Variants in SNX11 observed in about 807,000 individuals in gnomAD.
SNX11 encodes the protein sorting nexin-11.
A neutral mutation model predicts 30.7 loss-of-function variants in SNX11; 19 were observed. The ratio of observed to expected loss-of-function variants is 0.62; its 90% confidence interval spans 0.43 to 0.91. The LOEUF (loss-of-function observed/expected upper bound fraction) is 0.91. Ranked by LOEUF, SNX11 falls within the 40% of genes least tolerant of loss-of-function variation. SNX11 has a pLI of 0.00. For missense variants in SNX11, 302 were observed against 326.7 expected (o/e 0.92, Z 0.58); for synonymous variants, 112 against 119.0 (o/e 0.94, Z 0.38).
At chr17:48,117,033 T>C (rs2063552297) in intron 4 of SNX11, among the ~76,000 whole-genome samples, 1 of 151,316 alleles carries the variant, frequency 6.6e-6, no homozygotes, top group South Asian at 2.1e-4. Context: ...CACCATGCCC[T>C]ACTAATTTTC....
chr17:48,118,477 G>A (rs1181650968), intron 4 of SNX11, among the ~76,000 whole-genome samples: 1 of 151,804 alleles, frequency 6.6e-6, no homozygotes, highest in African/African-American at 2.4e-5. Context: ...TACTCGGGAG[G>A]CTGAGGCAGA....
intron 6 of SNX11, among the ~76,000 whole-genome samples, chr17:48,120,832 A>G (rs2063592596): frequency 6.6e-6 from 1 of 150,604 alleles, no homozygotes; most frequent in Admixed American, 6.6e-5. Flanking sequence ...TTTTAAATTG[A>G]GATAGGGTTT....
chr17:48,108,615 G>T (rs190010425), intron 1 of SNX11, among the ~76,000 whole-genome samples: 1 of 152,216 alleles, frequency 6.6e-6, no homozygotes, highest in Admixed American at 6.5e-5. Context: ...AAACAATCGG[G>T]TACTCACCAG....
In SNX11 at chr17:48,112,625, T is replaced by C. The variant is rs779050065; in HGVS notation, c.94T>C (p.Trp32Arg). ...CCCCCGAGTGCAGAATGAGGGCTCCTGGAACTCTTATGTGGATTATAAGAT... is the reference window on the plus strand; with the variant it reads ...CCCCCGAGTGCAGAATGAGGGCTCCCGGAACTCTTATGTGGATTATAAGAT... ...QDPRVQNEGSWNSYVDYKIFL... is the reference protein window; with the variant it reads ...QDPRVQNEGSRNSYVDYKIFL... Residue 32 changes from tryptophan to arginine, a missense_variant, in exon 3 of 7, where the codon TGG (tryptophan) becomes CGG (arginine). Physicochemically the swap from Trp to Arg is moderately radical, Grantham distance 101. Coordinates refer to ENST00000359238, the MANE Select transcript of SNX11 (RefSeq NM_013323.3). 4.3e-6 allele frequency: 7 copies of C among 1,613,644 alleles called. No individual in the cohort carries two copies. The South Asian group carries it at 7.7e-5, about 18-fold the overall frequency.
intron 1 of SNX11, 104 bp from the exon 2 acceptor site, chr17:48,111,927 T>C: frequency 1.2e-6 from 1 of 853,148 alleles, no homozygotes. Flanking sequence ...TTGCCTGGGT[T>C]TCCCCACGGG....
chr17:48,115,965 G>A lies in SNX11; in HGVS notation c.230+2564G>A, dbSNP rs78780012. On this transcript the variant is annotated intron_variant, in intron 4 of 6. Transcript: ENST00000359238. ...TTTCTTTTTTTTTTTTTTTGAGACA[G>A]AGCTTAGCTAAGTGAGCCTCTGCCG... Among the ~76,000 whole-genome samples the A allele has an allele frequency of 6.8e-4, 95 of 139,420 alleles. No homozygotes were observed. In the East Asian group the frequency reaches 0.017, roughly 25 times the overall value. The allele number at this position is 139,420 out of a possible 152,430, so 91.5% of individuals were successfully genotyped here.
At chr17:48,108,990 T>TG (rs1229211739) in intron 1 of SNX11, among the ~76,000 whole-genome samples, 3 of 152,238 alleles carry the variant, frequency 2.0e-5, no homozygotes, top group African/African-American at 7.2e-5. Context: ...TGGAGTGCAG[T>TG]GGTGTGATCT....
intron 1 of SNX11, among the ~76,000 whole-genome samples, chr17:48,111,410 G>A (rs144436116): frequency 1.4e-3 from 211 of 152,298 alleles, no homozygotes; most frequent in African/African-American, 4.7e-3. Flanking sequence ...CACTTTGGGA[G>A]GCCGAGGAGG....
rs1478639165 is a variant in SNX11, at chr17:48,122,808, G to T, written c.*1300G>T. 1 of 152,212 alleles carries T rather than the reference G, an allele frequency of 6.6e-6. No homozygotes were observed. The highest frequency in any genetic ancestry group is 1.5e-5 in the Non-Finnish European group (1 of 68,034). 9.4% of individuals were successfully genotyped at this position (152,212 alleles called of 1,614,324 possible). Reference sequence around the variant, plus strand: ...GAGAAGGAGGGAGTGAGCGCTGGCAGTATTTCCTTTCATAAATCATGAATT... The same window carrying T: ...GAGAAGGAGGGAGTGAGCGCTGGCATTATTTCCTTTCATAAATCATGAATT... On this transcript the variant is annotated 3_prime_UTR_variant, in exon 7 of 7. Transcript: ENST00000359238.
At chr17:48,111,554 G>A (rs947919114) in intron 1 of SNX11, among the ~76,000 whole-genome samples, 1 of 151,838 alleles carries the variant, frequency 6.6e-6, no homozygotes, top group African/African-American at 2.4e-5. Flanking sequence ...GACTGAGGCA[G>A]GAGAATTGCT....
intron 2 of SNX11, 64 bp downstream of exon 2, chr17:48,112,149 G>C (rs922509774): frequency 1.4e-6 from 2 of 1,397,258 alleles, no homozygotes; most frequent in Non-Finnish European, 2.0e-6. Context: ...GGAGGAAAGA[G>C]GACATAGAGA....
Position 48,118,746 on chromosome 17 carries a change from C to T in SNX11, c.273C>T (p.Thr91=). ...CTGGGAAGTCAACCTTCTTCGGCAC[C>T]TCAGATGAGTTCATTGAGAAGCGAC... ...ELPGKSTFFG[T]SDEFIEKRRQ... The change falls in exon 5 of 7, where the codon ACC becomes ACT. Residue 91 remains threonine, a synonymous_variant. Coordinates refer to ENST00000359238, the MANE Select transcript of SNX11 (RefSeq NM_013323.3). 1.2e-6 allele frequency: 2 copies of T among 1,614,124 alleles called. No homozygotes were observed. The highest frequency in any genetic ancestry group is 1.1e-5 in the South Asian group (1 of 91,086).
At chr17:48,115,054 C>T (rs1016234956) in intron 4 of SNX11, among the ~76,000 whole-genome samples, 2 of 147,514 alleles carry the variant, frequency 1.4e-5, no homozygotes, top group Admixed American at 6.8e-5. Context: ...CACCATGCTC[C>T]GCCTTTTTTC....
chr17:48,115,216 C>G (rs1168866114), intron 4 of SNX11, among the ~76,000 whole-genome samples: 4 of 151,850 alleles, frequency 2.6e-5, no homozygotes, highest in Admixed American at 2.6e-4. Context: ...TCCCTACCCC[C>G]ACGCCCAGCT....
chr17:48,116,773 G>A (rs773829580), intron 4 of SNX11, among the ~76,000 whole-genome samples: 1 of 150,756 alleles, frequency 6.6e-6, no homozygotes, highest in Non-Finnish European at 1.5e-5. Context: ...TCACCATTTT[G>A]GTCAGGCTGG....
At chr17:48,114,753 C>A (rs1379685483) in intron 4 of SNX11, among the ~76,000 whole-genome samples, 2 of 147,102 alleles carry the variant, frequency 1.4e-5, no homozygotes, top group East Asian at 4.1e-4. Context: ...ACACCCTCCA[C>A]CTCCCAGGCT....
intron 1 of SNX11, among the ~76,000 whole-genome samples, chr17:48,111,343 G>A (rs956821485): frequency 5.3e-5 from 8 of 152,194 alleles, no homozygotes; most frequent in African/African-American, 1.9e-4. Flanking sequence ...GTGCTGTTAG[G>A]CTCGCTTTCA....
At chr17:48,112,996 C>A in intron 3 of SNX11, 1 of 290,252 alleles carries the variant, frequency 3.4e-6, no homozygotes, top group South Asian at 4.4e-5. Context: ...CCTTGGCCTC[C>A]CAAAGTGCTG....
Position 48,119,173 on chromosome 17 carries a change from G to A in SNX11, c.526G>A (p.Asp176Asn), listed in dbSNP as rs751981714. ...RQSSSHLAKGDQPKSCCFLPR... is the reference protein window; with the variant it reads ...RQSSSHLAKGNQPKSCCFLPR... ...GAGCTCTTCTCACCTGGCTAAAGGA[G>A]ACCAGCCTAAGAGGTAACTGGAGTA... Residue 176 changes from aspartate (D) to asparagine (N), a missense_variant, in exon 6 of 7, where the codon GAC becomes AAC. Coordinates refer to ENST00000359238, the MANE Select transcript of SNX11 (RefSeq NM_013323.3). 1.9e-6 allele frequency: 3 copies of A among 1,613,804 alleles called. No individual in the cohort carries two copies. Among genetic ancestry groups the A allele is most frequent in the Non-Finnish European group, 2.5e-6 (3 of 1,179,906 alleles).
Sources: allele counts gnomAD v4.1 joint callset (sites outside exome capture counted in the v4.1 genomes callset), GRCh38; gene constraint gnomAD v4.1.1; transcripts MANE v1.5; gene names NCBI Gene and HGNC (gene_info 2026-07-23, HGNC 2026-07-21).